The following SNTG2 variants were observed in gnomAD, a reference collection of about 807,000 sequenced individuals.
SNTG2 encodes the protein gamma-2-syntrophin.
SNTG2 carries 74 observed loss-of-function variants against 70.9 expected under a neutral mutation model. The observed-to-expected ratio is 1.04, with a 90% CI of 0.86 to 1.27. The LOEUF (loss-of-function observed/expected upper bound fraction) is 1.27, where lower values mean the gene tolerates loss of function less well. Among genes scored for constraint, SNTG2 ranks in the 50% most tolerant of loss-of-function variants. The pLI is 0.00. For synonymous variants in SNTG2, 278 were observed against 273.8 expected (o/e 1.02, Z -0.15); for missense variants, 717 against 690.7 (o/e 1.04, Z -0.43).
At chr2:953,643 A>G (rs1423854844) in intron 1 of SNTG2, among the ~76,000 whole-genome samples, 1 of 152,196 alleles carries the variant, frequency 6.6e-6, no homozygotes. Context: ...ATTGACGTCT[A>G]TGACATCATA....
At chr2:1,137,484 C>G in intron 4 of SNTG2, 138 bp from the exon 5 acceptor site, 1 of 817,198 alleles carries the variant, frequency 1.2e-6, no homozygotes, top group Non-Finnish European at 2.0e-6. Context: ...AAACACACAT[C>G]TGCTCACGTG....
intron 6 of SNTG2, among the ~76,000 whole-genome samples, chr2:1,153,105 C>T (rs902448380): frequency 1.4e-5 from 2 of 147,952 alleles, no homozygotes; most frequent in South Asian, 2.2e-4. Flanking sequence ...GCCTGGGCAA[C>T]AACAGCTGAA....
At chr2:1,031,524 ATATATTT>A (rs1191981074) in intron 1 of SNTG2, among the ~76,000 whole-genome samples, 1 of 45,488 alleles carries the variant, frequency 2.2e-5, no homozygotes, top group Non-Finnish European at 4.2e-5. Context: ...ATATATATAT[ATATATTT>A]TTTTTTTTTT....
At chr2:1,052,648 T>C (rs1159755448) in intron 1 of SNTG2, among the ~76,000 whole-genome samples, 1 of 152,244 alleles carries the variant, frequency 6.6e-6, no homozygotes, top group South Asian at 2.1e-4. Context: ...TAAAGTGTTT[T>C]GAAAGCCACA....
chr2:956,379 C>G (rs1266454162), intron 1 of SNTG2, among the ~76,000 whole-genome samples: 2 of 152,228 alleles, frequency 1.3e-5, no homozygotes, highest in Non-Finnish European at 2.9e-5. Context: ...CTGCCCTTCC[C>G]AGGCTGGAGC....
At chr2:1,169,114 C>T (rs1488895955) in intron 7 of SNTG2, among the ~76,000 whole-genome samples, 3 of 152,172 alleles carry the variant, frequency 2.0e-5, no homozygotes, top group African/African-American at 4.8e-5. Context: ...GAGGGGGCAG[C>T]GTGAGTGTCT....
chr2:979,954 AATT>A (rs1661046242), intron 1 of SNTG2, among the ~76,000 whole-genome samples: 1 of 152,078 alleles, frequency 6.6e-6, no homozygotes, highest in Non-Finnish European at 1.5e-5. Flanking sequence ...GTATATAAAT[AATT>A]AAGTATATAA....
rs550781409 is a variant in SNTG2, at chr2:1,016,483, C to T, written c.72+65415C>T. 1.7e-3 allele frequency among the ~76,000 whole-genome samples: 252 copies of T among 152,268 alleles called. 4 individuals are homozygous for T. The South Asian group carries it at 0.02, about 12-fold the overall frequency. On this transcript the variant is annotated intron_variant, in intron 1 of 16. Transcript: ENST00000308624. ...CTCAAACTCCTGATCTCAGGTGATC[C>T]GCCCGCCTCAGCCTCCCAAAGTGCA...
intron 9 of SNTG2, among the ~76,000 whole-genome samples, chr2:1,211,775 CGT>C (rs1455673187): frequency 1.2e-4 from 18 of 152,104 alleles, no homozygotes; most frequent in African/African-American, 3.9e-4. Flanking sequence ...TCCCATGACA[CGT>C]GGGAATTATG....
intron 1 of SNTG2, among the ~76,000 whole-genome samples, chr2:1,051,929 T>G (rs767064012): frequency 1.2e-4 from 18 of 152,266 alleles, no homozygotes; most frequent in Non-Finnish European, 2.2e-4. Flanking sequence ...AACTCTTCCA[T>G]GTTATGAATT....
intron 12 of SNTG2, among the ~76,000 whole-genome samples, chr2:1,258,347 TA>T (rs1678236963): frequency 6.6e-6 from 1 of 152,258 alleles, no homozygotes; most frequent in Non-Finnish European, 1.5e-5. Flanking sequence ...AAAGGAACCT[TA>T]AAGTTCGTAT....
At chr2:982,251 G>A (rs1056067635) in intron 1 of SNTG2, among the ~76,000 whole-genome samples, 4 of 152,098 alleles carry the variant, frequency 2.6e-5, no homozygotes, top group African/African-American at 9.7e-5. Context: ...AACTTGCAGT[G>A]TCCTTCACAG....
chr2:1,229,937 C>G (rs1042115728), intron 9 of SNTG2, among the ~76,000 whole-genome samples: 2 of 152,230 alleles, frequency 1.3e-5, no homozygotes, highest in Non-Finnish European at 2.9e-5. Flanking sequence ...AGCTGGCCCG[C>G]AAGCGCCGCA....
At chr2:1,279,611 A>G (rs561032119) in intron 14 of SNTG2, among the ~76,000 whole-genome samples, 1 of 152,208 alleles carries the variant, frequency 6.6e-6, no homozygotes, top group Non-Finnish European at 1.5e-5. Context: ...TTGTAACCAG[A>G]AAAGTTTTCT....
chr2:1,067,679 A>G (rs1663247049), intron 1 of SNTG2, among the ~76,000 whole-genome samples: 1 of 152,182 alleles, frequency 6.6e-6, no homozygotes, highest in African/African-American at 2.4e-5. Context: ...ACGTCTCAGT[A>G]TCGAACTCAA....
intron 16 of SNTG2, among the ~76,000 whole-genome samples, chr2:1,355,355 C>G (rs532733172): frequency 2.6e-5 from 4 of 152,294 alleles, no homozygotes; most frequent in African/African-American, 4.8e-5. Flanking sequence ...TCCCGTGTCC[C>G]CAGCTCCTGC....
At chr2:1,208,655 T>C (rs1673828091) in intron 8 of SNTG2, among the ~76,000 whole-genome samples, 1 of 152,166 alleles carries the variant, frequency 6.6e-6, no homozygotes, top group Non-Finnish European at 1.5e-5. Context: ...CACAGAGTCG[T>C]TGCTACCGAT....
intron 16 of SNTG2, among the ~76,000 whole-genome samples, chr2:1,326,635 A>G (rs1681774060): frequency 1.3e-5 from 2 of 152,170 alleles, no homozygotes; most frequent in African/African-American, 4.8e-5. Flanking sequence ...CTCTGAATGT[A>G]AATGAAAAAT....
At chr2:1,138,167 G>A (rs550074312) in intron 6 of SNTG2, among the ~76,000 whole-genome samples, 1 of 152,312 alleles carries the variant, frequency 6.6e-6, no homozygotes, top group Admixed American at 6.5e-5. Flanking sequence ...GCTTCACAGG[G>A]TCTCCCCGTA....
Sources: allele counts gnomAD v4.1 joint callset (sites outside exome capture counted in the v4.1 genomes callset), GRCh38; gene constraint gnomAD v4.1.1; transcripts MANE v1.5; gene names NCBI Gene and HGNC (gene_info 2026-07-23, HGNC 2026-07-21).